SPOCK3: variants seen among roughly 807,000 people sequenced by gnomAD.
SPOCK3 encodes testican-3.
A neutral mutation model predicts 56.6 loss-of-function variants in SPOCK3; 30 were observed. The ratio of observed to expected loss-of-function variants is 0.53; its 90% CI spans 0.40 to 0.72. SPOCK3 has a LOEUF of 0.72. Ranked by LOEUF, SPOCK3 falls within the 30% of genes least tolerant of loss-of-function variation. SPOCK3 has a pLI of 0.00. For missense variants in SPOCK3, 527 were observed against 530.0 expected, an observed-to-expected ratio of 0.99 and a Z score of 0.06; for synonymous variants, 196 against 183.3, an observed-to-expected ratio of 1.07 and a Z score of -0.56.
intron 2 of SPOCK3, among the ~76,000 whole-genome samples, chr4:167,149,257 T>C (rs1025270734): frequency 3.3e-5 from 5 of 152,140 alleles, no homozygotes; most frequent in Non-Finnish European, 7.4e-5. Flanking sequence ...TCCTATGTAC[T>C]GAGAAAACAA....
chr4:167,005,763 G>A (rs1174904259), intron 3 of SPOCK3, among the ~76,000 whole-genome samples: 1 of 152,030 alleles, frequency 6.6e-6, no homozygotes, highest in Non-Finnish European at 1.5e-5. Flanking sequence ...TGTTTTTGTT[G>A]TTGTTGTTGT....
intron 2 of SPOCK3, among the ~76,000 whole-genome samples, chr4:167,103,362 G>A (rs1194876928): frequency 6.6e-6 from 1 of 152,058 alleles, no homozygotes; most frequent in East Asian, 1.9e-4. Context: ...GGACCAGAGG[G>A]TGGCCCACTA....
At chr4:167,163,579 T>C (rs1445981484) in intron 2 of SPOCK3, among the ~76,000 whole-genome samples, 1 of 147,330 alleles carries the variant, frequency 6.8e-6, no homozygotes, top group Non-Finnish European at 1.5e-5. Flanking sequence ...TCCCCACCCC[T>C]CCCCACTACC....
chr4:167,007,141 C>T (rs1749546424), intron 3 of SPOCK3, among the ~76,000 whole-genome samples: 1 of 152,106 alleles, frequency 6.6e-6, no homozygotes, highest in East Asian at 1.9e-4. Flanking sequence ...TTTAATGGAG[C>T]TCAAGGAAAC....
chr4:166,863,252 T>C (rs1476842903), intron 6 of SPOCK3, among the ~76,000 whole-genome samples: 1 of 152,058 alleles, frequency 6.6e-6, no homozygotes, highest in African/African-American at 2.4e-5. Flanking sequence ...CAAGAGCTCC[T>C]GAATATGGAA....
intron 2 of SPOCK3, among the ~76,000 whole-genome samples, chr4:167,205,207 ATT>A (rs1491271855): frequency 3.6e-4 from 36 of 99,218 alleles, no homozygotes; most frequent in African/African-American, 1.2e-3. Flanking sequence ...TATAATATAT[ATT>A]ATATATTATA....
chr4:166,769,996 G>A (rs927487095), intron 7 of SPOCK3, among the ~76,000 whole-genome samples: 8 of 152,266 alleles, frequency 5.3e-5, no homozygotes, highest in African/African-American at 1.9e-4. Flanking sequence ...CCATGCACGG[G>A]ATATAATCTC....
At chr4:167,100,422 T>TTC (rs1320410774) in intron 2 of SPOCK3, among the ~76,000 whole-genome samples, 1 of 151,060 alleles carries the variant, frequency 6.6e-6, no homozygotes, top group Non-Finnish European at 1.5e-5. Flanking sequence ...TCTCTCTCTC[T>TTC]TCTCTCTTTC....
intron 3 of SPOCK3, among the ~76,000 whole-genome samples, chr4:167,053,021 G>T (rs907072318): frequency 2.0e-5 from 3 of 152,122 alleles, no homozygotes; most frequent in South Asian, 4.1e-4. Context: ...AATCTTAACA[G>T]CTTTTCCTTT....
chr4:167,205,443 A>T (rs1431387895), intron 2 of SPOCK3, among the ~76,000 whole-genome samples: 2 of 47,972 alleles, frequency 4.2e-5, no homozygotes, highest in African/African-American at 9.0e-5. Flanking sequence ...ATATAATATA[A>T]TATATATTAT....
intron 3 of SPOCK3, among the ~76,000 whole-genome samples, chr4:167,009,347 G>A (rs1749789308): frequency 6.6e-6 from 1 of 152,054 alleles, no homozygotes; most frequent in Admixed American, 6.6e-5. Flanking sequence ...AAATAAGAAA[G>A]CCCAGCAACT....
At chr4:167,122,814 G>C (rs1761973808) in intron 2 of SPOCK3, among the ~76,000 whole-genome samples, 1 of 152,036 alleles carries the variant, frequency 6.6e-6, no homozygotes, top group Non-Finnish European at 1.5e-5. Context: ...TTTCACATGA[G>C]TGGTGCTAAA....
intron 7 of SPOCK3, among the ~76,000 whole-genome samples, chr4:166,773,378 A>G (rs533120364): frequency 8.5e-4 from 129 of 152,294 alleles, no homozygotes; most frequent in African/African-American, 2.8e-3. Flanking sequence ...TGAGACTGTA[A>G]TGAAGGTGTG....
intron 3 of SPOCK3, among the ~76,000 whole-genome samples, chr4:167,003,291 T>C (rs1212519624): frequency 6.6e-6 from 1 of 152,154 alleles, no homozygotes; most frequent in African/African-American, 2.4e-5. Context: ...TGTCAGGAGA[T>C]GGAAAATATA....
intron 3 of SPOCK3, among the ~76,000 whole-genome samples, chr4:167,055,012 T>C (rs1754638919): frequency 2.0e-5 from 3 of 152,196 alleles, no homozygotes; most frequent in Admixed American, 2.0e-4. Flanking sequence ...TTCTGCATGC[T>C]TTATGGTGCA....
At chr4:167,200,761 T>C (rs989831275) in intron 2 of SPOCK3, among the ~76,000 whole-genome samples, 6 of 152,088 alleles carry the variant, frequency 3.9e-5, no homozygotes, top group South Asian at 2.1e-4. Context: ...TGTTGAGTTA[T>C]AACACGTCAC....
intron 2 of SPOCK3, among the ~76,000 whole-genome samples, chr4:167,199,001 G>A (rs1733239576): frequency 6.6e-6 from 1 of 151,752 alleles, no homozygotes. Flanking sequence ...TATTGCATTG[G>A]CCATAAGTAT....
At chr4:166,806,506 T>C (rs973943559) in intron 6 of SPOCK3, among the ~76,000 whole-genome samples, 1 of 152,062 alleles carries the variant, frequency 6.6e-6, no homozygotes. Context: ...ACATATAATA[T>C]AGGTATTTGA....
intron 2 of SPOCK3, among the ~76,000 whole-genome samples, chr4:167,134,687 C>T (rs576646009): frequency 1.9e-4 from 29 of 152,166 alleles, no homozygotes; most frequent in Admixed American, 5.2e-4. Context: ...CAAAAGTATT[C>T]AAAGGACTTC....
Sources: gnomAD v4.1 joint callset for allele counts (sites outside exome capture counted in the v4.1 genomes callset) on GRCh38, gnomAD v4.1.1 for gene constraint, MANE v1.5 for transcripts, NCBI Gene and HGNC (gene_info 2026-07-23, HGNC 2026-07-21) for gene names.